The following DIPK2A variants were observed in gnomAD, a reference collection of about 807,000 sequenced individuals.
DIPK2A encodes the protein Golgi Protein of 49 kDa.
A neutral mutation model predicts 39.0 loss-of-function variants in DIPK2A; 27 were observed. The ratio of observed to expected loss-of-function variants is 0.69; its 90% CI spans 0.51 to 0.96. The LOEUF (loss-of-function observed/expected upper bound fraction) is 0.96, where lower values mean the gene tolerates loss of function less well. Ranked by LOEUF, DIPK2A falls within the 40% of genes least tolerant of loss-of-function variation. The pLI is 0.00. For missense variants in DIPK2A, 528 were observed against 571.3 expected, an observed-to-expected ratio of 0.92 and a Z score of 0.77; for synonymous variants, 298 against 240.8, an observed-to-expected ratio of 1.24 and a Z score of -2.20.
intron 2 of DIPK2A, among the ~76,000 whole-genome samples, chr3:143,988,983 T>G (rs1310922263): frequency 6.6e-6 from 1 of 152,228 alleles, no homozygotes. Flanking sequence ...TAGCGTCACC[T>G]GTATCTCCTT....
At chr3:143,974,125 T>G (rs1317775321) in intron 1 of DIPK2A, among the ~76,000 whole-genome samples, 1 of 151,956 alleles carries the variant, frequency 6.6e-6, no homozygotes, top group Non-Finnish European at 1.5e-5. Context: ...ACAGGGTTTT[T>G]TTTTTTTTTA....
intron 1 of DIPK2A, among the ~76,000 whole-genome samples, chr3:143,974,974 T>G (rs2087708910): frequency 6.6e-6 from 1 of 152,210 alleles, no homozygotes; most frequent in African/African-American, 2.4e-5. Context: ...TGTTTAACTT[T>G]TCCCTCAAAC....
chr3:143,985,447 T>G, intron 1 of DIPK2A, 96 bp from the exon 2 acceptor site: 1 of 1,062,920 alleles, frequency 9.4e-7, no homozygotes, highest in Non-Finnish European at 1.4e-6. Flanking sequence ...AAATCCAAAG[T>G]CATTCCTAGT....
chr3:143,973,402 G>A, intron 1 of DIPK2A: 1 of 1,549,758 alleles, frequency 6.5e-7, no homozygotes, highest in Non-Finnish European at 8.7e-7. Flanking sequence ...TTCTTCTGAA[G>A]TGTTCTACAC....
intron 1 of DIPK2A, chr3:143,973,694 C>T (rs779457756): frequency 3.0e-6 from 2 of 669,142 alleles, no homozygotes; most frequent in Non-Finnish European, 5.3e-6. Flanking sequence ...TGTGACCTGC[C>T]CTATTCATCT....
intron 1 of DIPK2A, chr3:143,973,638 G>C (rs1170129140): frequency 5.3e-6 from 6 of 1,129,868 alleles, no homozygotes; most frequent in Non-Finnish European, 7.8e-6. Context: ...CGTTGGACTT[G>C]GGGCTGGGAG....
intron 1 of DIPK2A, among the ~76,000 whole-genome samples, chr3:143,978,873 A>T (rs1479875530): frequency 6.6e-6 from 1 of 151,666 alleles, no homozygotes; most frequent in African/African-American, 2.4e-5. Flanking sequence ...AAGTTGTTGG[A>T]TGGTATTGAG....
chr3:143,987,983 C>A lies in DIPK2A; in HGVS notation c.962-1527C>A, dbSNP rs1482648613. Among the ~76,000 whole-genome samples, 5 of 152,284 alleles carry A rather than the reference C, an allele frequency of 3.3e-5. 1 individual carries two copies. The South Asian group carries it at 8.3e-4, about 25-fold the overall frequency. On this transcript the variant is annotated intron_variant, in intron 2 of 2. Coordinates refer to ENST00000315691, the MANE Select transcript of DIPK2A (RefSeq NM_173552.5). ...AATAGTAACCTTCAAAAAACATTAA[C>A]TTACTACTCCTTTGCTTAAATGGTT... is the stretch of plus-strand genomic sequence containing the variant.
At chr3:143,973,473 GT>G (rs1215121965) in intron 1 of DIPK2A, 88 of 1,550,882 alleles carry the variant, frequency 5.7e-5, no homozygotes, top group Non-Finnish European at 7.0e-5. Context: ...CAGAGTCTTT[GT>G]TTTCGCTCAT....
rs1205943316 is a variant in DIPK2A, at chr3:143,972,075, G to C, written c.-258G>C. On this transcript the variant is annotated 5_prime_UTR_variant, in exon 1 of 3. Transcript: ENST00000315691. The stretch of plus-strand genomic sequence containing the variant: ...GGCTGGCGTGGAGGAGGCGCCGCCG[G>C]AGTCGGAGGGCGGGGAGCTAGGAGG... 2.6e-5 allele frequency: 10 copies of C among 380,670 alleles called. No homozygotes were observed. Among genetic ancestry groups the C allele is most frequent in the Non-Finnish European group, 3.7e-5 (8 of 215,308 alleles). 23.6% of individuals were successfully genotyped at this position (380,670 alleles called of 1,614,324 possible). A position where few individuals can be genotyped will look rare whatever the true frequency, so the allele number is the denominator to read the frequency against.
rs1451265093 is a variant in DIPK2A at position 143,972,886 on chromosome 3, A to G, written c.554A>G (p.Glu185Gly). The G allele has an allele frequency of 6.3e-7, 1 of 1,580,232 alleles. No individual in the cohort carries two copies. Among genetic ancestry groups the G allele is most frequent in the Admixed American group, 1.8e-5 (1 of 55,710 alleles). The change falls in exon 1 of 3, where the codon GAG becomes GGG. Residue 185 changes from glutamate to glycine, a missense_variant. Physicochemically the swap from Glu to Gly is moderately conservative, Grantham distance 98 (BLOSUM62 -2). Around this residue, in one of 2 missense-constraint regions of DIPK2A, gnomAD observed 309 missense variants for 289.8 expected, o/e 1.07. Transcript: ENST00000315691. Reference protein sequence around the residue: ...LLDRLVRRYAETKDSGSFLLR... With the variant: ...LLDRLVRRYAGTKDSGSFLLR... ...GACCGCCTGGTGCGCCGCTACGCGG[A>G]GACCAAGGACTCGGGCAGCTTCCTG... is the stretch of plus-strand genomic sequence containing the variant.
At chr3:143,980,646 A>G (rs1462478172) in intron 1 of DIPK2A, among the ~76,000 whole-genome samples, 1 of 150,216 alleles carries the variant, frequency 6.7e-6, no homozygotes, top group African/African-American at 2.5e-5. Context: ...TTTTTTTTGT[A>G]GAAATGCCAG....
In DIPK2A at chr3:143,984,435, G is replaced by C. The variant is rs1306547646; in HGVS notation, c.658-1108G>C. On this transcript the variant is annotated intron_variant, in intron 1 of 2. Coordinates refer to ENST00000315691, the MANE Select transcript of DIPK2A (RefSeq NM_173552.5). Reference sequence around the variant, plus strand: ...GTAACTGTTTTCATTTGCACACTTAGAGGCCATAGTAGGATTAATAGGCTT... The same window carrying C: ...GTAACTGTTTTCATTTGCACACTTACAGGCCATAGTAGGATTAATAGGCTT... Among the ~76,000 whole-genome samples the C allele has an allele frequency of 5.9e-5, 9 of 151,984 alleles. No individual in the cohort carries two copies. The East Asian group carries it at 1.8e-3, about 30-fold the overall frequency.
rs755222496 is a variant in DIPK2A at position 143,985,644 on chromosome 3, T to C, written c.759T>C (p.Phe253=). ...TTGGAGAAGAACTGTGGAGTTACTTTAATGCGCCATGGGAAAAACGAGTTG... is the reference window on the plus strand; with the variant it reads ...TTGGAGAAGAACTGTGGAGTTACTTCAATGCGCCATGGGAAAAACGAGTTG... ...NYVGEELWSY[F]NAPWEKRVDL... is the part of the protein sequence containing the mutation. Residue 253 remains phenylalanine (F), a synonymous_variant, in exon 2 of 3, where the codon TTT becomes TTC. Coordinates refer to ENST00000315691, the MANE Select transcript of DIPK2A (RefSeq NM_173552.5). 1.9e-6 allele frequency: 3 copies of C among 1,614,142 alleles called. No individual in the cohort carries two copies. The highest frequency in any genetic ancestry group is 2.2e-5 in the South Asian group (2 of 91,088).
chr3:143,982,351 T>A (rs2087838279), intron 1 of DIPK2A, among the ~76,000 whole-genome samples: 1 of 152,084 alleles, frequency 6.6e-6, no homozygotes, highest in Non-Finnish European at 1.5e-5. Flanking sequence ...CTGGAATTGT[T>A]ACTTAAAATT....
At chr3:143,977,962 G>C (rs772287217) in intron 1 of DIPK2A, among the ~76,000 whole-genome samples, 3 of 151,966 alleles carry the variant, frequency 2.0e-5, no homozygotes, top group Non-Finnish European at 2.9e-5. Flanking sequence ...CATATCTTTT[G>C]ACCATTTTGA....
chr3:143,989,916 A>G lies in DIPK2A; in HGVS notation c.*75A>G, dbSNP rs1029433403. ...ACTAAACCACCAAAAAACGATCTGAAAAAATGAAATTTGGAAGTGTTACAT... is the reference window on the plus strand; with the variant it reads ...ACTAAACCACCAAAAAACGATCTGAGAAAATGAAATTTGGAAGTGTTACAT... On this transcript the variant is annotated 3_prime_UTR_variant, in exon 3 of 3. Transcript: ENST00000315691. The G allele has an allele frequency of 6.8e-6, 8 of 1,175,732 alleles. No homozygotes were observed. In the African/African-American group the frequency reaches 1.1e-4, roughly 16 times the overall value. 72.8% of individuals were successfully genotyped at this position (1,175,732 alleles called of 1,614,324 possible).
At position 143,985,561 on chromosome 3, in the gene DIPK2A, G is replaced by C; in HGVS notation, c.676G>C (p.Gly226Arg). The C allele has an allele frequency of 6.2e-7, 1 of 1,613,820 alleles. No individual in the cohort carries two copies. Among genetic ancestry groups the C allele is most frequent in the Non-Finnish European group, 8.5e-7 (1 of 1,179,706 alleles). Residue 226 changes from glycine (G) to arginine (R), a missense_variant, in exon 2 of 3, where the codon GGT becomes CGT. By Grantham distance (125) the Gly-to-Arg change is moderately radical (BLOSUM62 -2). This residue lies in a region of DIPK2A where 219 missense variants were observed against 281.5 expected (regional missense o/e 0.78). Coordinates refer to ENST00000315691, the MANE Select transcript of DIPK2A (RefSeq NM_173552.5). ...TTTGTAGAGTTTTCCGTCTGATGAA[G>C]GTTGGCCATTTGCAAAGTATCTTGG... ...LVLQSFPSDEGWPFAKYLGAC... is the reference protein window; with the variant it reads ...LVLQSFPSDERWPFAKYLGAC...
chr3:143,989,382 T>C (rs1237054397), intron 2 of DIPK2A, 128 bp from the exon 3 acceptor site: 46 of 622,676 alleles, frequency 7.4e-5, no homozygotes, highest in South Asian at 2.2e-5. Context: ...TAAATGTTTA[T>C]GGTTATAATA....
Sources: gnomAD v4.1 joint callset for allele counts (sites outside exome capture counted in the v4.1 genomes callset) on GRCh38, gnomAD v4.1.1 for gene constraint, gnomAD v4.1.1 regional missense constraint, MANE v1.5 for transcripts, NCBI Gene and HGNC (gene_info 2026-07-23, HGNC 2026-07-21) for gene names.